HS6ST3: variants seen among roughly 807,000 people sequenced by gnomAD.
HS6ST3 encodes heparan sulfate 6-O-sulfotransferase 3, also known as heparan-sulfate 6-O-sulfotransferase 3.
Under a neutral mutation model 36.7 loss-of-function variants are expected in HS6ST3, and 12 were observed. That is an observed-to-expected ratio of 0.33 (90% CI 0.21 to 0.53). HS6ST3 has a LOEUF of 0.53. Among genes scored for constraint, HS6ST3 ranks in the 20% least tolerant of loss-of-function variants. The probability of loss-of-function intolerance (pLI) is 0.95; values close to 1 mark genes in which losing one functional copy is unlikely to be tolerated. For missense variants in HS6ST3, 584 were observed against 640.9 expected, an observed-to-expected ratio of 0.91 and a Z score of 0.96; for synonymous variants, 240 against 257.5, an observed-to-expected ratio of 0.93 and a Z score of 0.65.
chr13:96,481,773 G>C (rs1360495705), intron 1 of HS6ST3, among the ~76,000 whole-genome samples: 1 of 152,156 alleles, frequency 6.6e-6, no homozygotes, highest in Non-Finnish European at 1.5e-5. Flanking sequence ...CTGTCTCGCA[G>C]GCTTGCTGTG....
At chr13:96,283,913 A>G (rs1453898429) in intron 1 of HS6ST3, among the ~76,000 whole-genome samples, 1 of 152,186 alleles carries the variant, frequency 6.6e-6, no homozygotes, top group Non-Finnish European at 1.5e-5. Context: ...TTGACTAGCA[A>G]GGTTATAGAG....
intron 1 of HS6ST3, among the ~76,000 whole-genome samples, chr13:96,688,329 G>C (rs1420916139): frequency 6.6e-6 from 1 of 151,832 alleles, no homozygotes; most frequent in East Asian, 1.9e-4. Flanking sequence ...AGGGAGCGTG[G>C]ATGAATGCTG....
rs142872877 is a variant in HS6ST3, at chr13:96,175,755, G to A, written c.707+84186G>A. On this transcript the variant is annotated intron_variant, in intron 1 of 1. Transcript: ENST00000376705. The stretch of plus-strand genomic sequence containing the variant: ...TTCTCTTACTTCTCACATCTTCAAA[G>A]CGGTTTATTCTTGTTTTATGGCTGC... Among the ~76,000 whole-genome samples the A allele has an allele frequency of 4.9e-4, 73 of 149,572 alleles. 1 individual carries two copies. Among genetic ancestry groups the A allele is most frequent in the Middle Eastern group, 3.5e-3 (1 of 286 alleles).
intron 1 of HS6ST3, among the ~76,000 whole-genome samples, chr13:96,510,143 T>C (rs192825676): frequency 1.4e-5 from 2 of 138,382 alleles, no homozygotes; most frequent in African/African-American, 5.3e-5. Context: ...TTTATTTTAT[T>C]TGCAGCTGTT....
chr13:96,709,878 T>C (rs754049483), intron 1 of HS6ST3, among the ~76,000 whole-genome samples: 8 of 152,204 alleles, frequency 5.3e-5, no homozygotes, highest in Non-Finnish European at 1.2e-4. Flanking sequence ...CCATAGGAAG[T>C]GGTAAATTGA....
At chr13:96,578,144 A>G (rs1187703113) in intron 1 of HS6ST3, among the ~76,000 whole-genome samples, 2 of 152,214 alleles carry the variant, frequency 1.3e-5, no homozygotes, top group South Asian at 2.1e-4. Context: ...ACACAAGTCC[A>G]GCAATGGAAA....
At chr13:96,739,094 T>C (rs1014900604) in intron 1 of HS6ST3, among the ~76,000 whole-genome samples, 226 of 152,212 alleles carry the variant, frequency 1.5e-3, no homozygotes, top group African/African-American at 5.1e-3. Context: ...CACATTTTTT[T>C]TTTCTTCCCC....
At chr13:96,517,897 A>G (rs186364615) in intron 1 of HS6ST3, among the ~76,000 whole-genome samples, 1 of 152,186 alleles carries the variant, frequency 6.6e-6, no homozygotes, top group African/African-American at 2.4e-5. Context: ...TACCATAAAG[A>G]TACATGCACG....
At chr13:96,200,405 GTT>G (rs1195397600) in intron 1 of HS6ST3, among the ~76,000 whole-genome samples, 1 of 152,166 alleles carries the variant, frequency 6.6e-6, no homozygotes, top group Non-Finnish European at 1.5e-5. Flanking sequence ...TGCACTGGCA[GTT>G]CCCTCTGCCT....
chr13:96,109,335 G>C (rs2053857334), intron 1 of HS6ST3, among the ~76,000 whole-genome samples: 1 of 152,162 alleles, frequency 6.6e-6, no homozygotes, highest in Non-Finnish European at 1.5e-5. Flanking sequence ...TGAGTGGATA[G>C]GTCTCTGGGA....
intron 1 of HS6ST3, among the ~76,000 whole-genome samples, chr13:96,173,795 G>A (rs907032839): frequency 1.3e-5 from 2 of 150,472 alleles, no homozygotes; most frequent in Non-Finnish European, 3.0e-5. Flanking sequence ...ATTGAGGATT[G>A]CATTCCAAAT....
At chr13:96,620,520 C>T (rs1022594624) in intron 1 of HS6ST3, among the ~76,000 whole-genome samples, 3 of 152,126 alleles carry the variant, frequency 2.0e-5, no homozygotes, top group Admixed American at 2.0e-4. Context: ...TTTCATAGTT[C>T]AAGGTTGAAG....
At chr13:96,185,619 T>G (rs533064442) in intron 1 of HS6ST3, among the ~76,000 whole-genome samples, 1 of 152,236 alleles carries the variant, frequency 6.6e-6, no homozygotes, top group Non-Finnish European at 1.5e-5. Flanking sequence ...TATACCTATA[T>G]AAGTTTACTG....
intron 1 of HS6ST3, among the ~76,000 whole-genome samples, chr13:96,284,014 C>T (rs561970598): frequency 5.9e-5 from 9 of 152,272 alleles, no homozygotes; most frequent in African/African-American, 1.9e-4. Flanking sequence ...TGAAAACGTA[C>T]ATTTTTGTTC....
chr13:96,470,879 T>G (rs530563218), intron 1 of HS6ST3, among the ~76,000 whole-genome samples: 1 of 152,322 alleles, frequency 6.6e-6, no homozygotes, highest in African/African-American at 2.4e-5. Flanking sequence ...AGGTCTCAGC[T>G]TAACTATCGG....
At chr13:96,176,453 A>G (rs1022470004) in intron 1 of HS6ST3, among the ~76,000 whole-genome samples, 1 of 152,120 alleles carries the variant, frequency 6.6e-6, no homozygotes, top group African/African-American at 2.4e-5. Context: ...GTGATTATCA[A>G]TGGTTGCTAA....
intron 1 of HS6ST3, among the ~76,000 whole-genome samples, chr13:96,768,328 C>T (rs1594855619): frequency 6.6e-6 from 1 of 152,150 alleles, no homozygotes; most frequent in South Asian, 2.1e-4. Flanking sequence ...AGCGTCATTC[C>T]CTCAGCTAGT....
intron 1 of HS6ST3, among the ~76,000 whole-genome samples, chr13:96,829,988 A>T (rs759767971): frequency 1.9e-4 from 29 of 152,146 alleles, no homozygotes; most frequent in Non-Finnish European, 4.4e-5. Context: ...TTTAAACTTT[A>T]CAATAATGAG....
Position 96,692,784 on chromosome 13 carries a change from C to T in HS6ST3, c.708-139706C>T, listed in dbSNP as rs529390083. ...ATCCACTTATTAATTTCAATCTATT[C>T]TTTTGTGATTTATTTATGTCTTGCA... On this transcript the variant is annotated intron_variant, in intron 1 of 1. Coordinates refer to ENST00000376705, the MANE Select transcript of HS6ST3 (RefSeq NM_153456.4). 2.0e-5 allele frequency among the ~76,000 whole-genome samples: 3 copies of T among 152,164 alleles called. No individual in the cohort carries two copies. In the East Asian group the frequency reaches 5.8e-4, roughly 29 times the overall value.
Sources: gnomAD v4.1 joint callset for allele counts (sites outside exome capture counted in the v4.1 genomes callset) on GRCh38, gnomAD v4.1.1 for gene constraint, MANE v1.5 for transcripts, NCBI Gene and HGNC (gene_info 2026-07-23, HGNC 2026-07-21) for gene names.